ZRANB2: variants seen among roughly 807,000 people sequenced by gnomAD.
ZRANB2 encodes the protein zinc finger RANBP2-type containing 2.
In ZRANB2, 19 loss-of-function variants were observed where a neutral mutation model predicts 53.4. That is an observed-to-expected ratio of 0.36 (90% CI 0.25 to 0.52). The LOEUF (loss-of-function observed/expected upper bound fraction) is 0.52, where lower values mean the gene tolerates loss of function less well. ZRANB2 is among the 20% of genes least tolerant of loss of function. The pLI is 0.93. For synonymous variants in ZRANB2, 145 were observed against 134.8 expected (o/e 1.08, Z -0.52); for missense variants, 309 against 401.1 (o/e 0.77, Z 1.96).
intron 1 of ZRANB2, among the ~76,000 whole-genome samples, chr1:71,079,809 A>C (rs772631857): frequency 3.9e-5 from 6 of 152,200 alleles, no homozygotes; most frequent in Non-Finnish European, 7.4e-5. Flanking sequence ...GAACGTTTTC[A>C]ATAATGTCTT....
At chr1:71,078,749 G>C in intron 1 of ZRANB2, 41 bp from the exon 2 acceptor site, 1 of 1,547,890 alleles carries the variant, frequency 6.5e-7, no homozygotes, top group Non-Finnish European at 8.9e-7. Flanking sequence ...ATTTAAATTT[G>C]TAAAATTTTA....
At chr1:71,068,167 G>T (rs193104885) in intron 8 of ZRANB2, among the ~76,000 whole-genome samples, 10 of 152,060 alleles carry the variant, frequency 6.6e-5, no homozygotes, top group African/African-American at 1.9e-4. Context: ...GCCTGGCCTT[G>T]TTATCTATTT....
rs1239870139 is a variant in ZRANB2, at chr1:71,063,544, A to C, written c.*1530T>G. Reference sequence around the variant, plus strand: ...AGAATAAACCAATGGTAACATGTAGAATCTAGATCGTCGGGGCAATTTAGA... The same window carrying C: ...AGAATAAACCAATGGTAACATGTAGCATCTAGATCGTCGGGGCAATTTAGA... On this transcript the variant is annotated 3_prime_UTR_variant, in exon 10 of 10. Transcript: ENST00000370920. The C allele has an allele frequency of 1.3e-5, 2 of 152,494 alleles. No individual in the cohort carries two copies. Among genetic ancestry groups the C allele is most frequent in the Admixed American group, 1.3e-4 (2 of 15,254 alleles). 9.4% of individuals were successfully genotyped at this position (152,494 alleles called of 1,614,324 possible).
intron 7 of ZRANB2, chr1:71,069,709 C>A (rs1661553976): frequency 6.4e-6 from 1 of 156,692 alleles, no homozygotes; most frequent in Admixed American, 6.5e-5. Flanking sequence ...TACTTAATTT[C>A]TCTAAAATGT....
intron 6 of ZRANB2, 145 bp from the exon 7 acceptor site, chr1:71,071,141 A>G (rs1661586216): frequency 1.5e-6 from 1 of 665,950 alleles, no homozygotes; most frequent in African/African-American, 1.9e-5. Flanking sequence ...AAATTCACCT[A>G]CTAAACTCAT....
At chr1:71,076,064 A>T (rs192712580) in intron 4 of ZRANB2, among the ~76,000 whole-genome samples, 3 of 152,292 alleles carry the variant, frequency 2.0e-5, no homozygotes, top group Non-Finnish European at 4.4e-5. Context: ...CACCAAGCCT[A>T]AGTCTGACAG....
In ZRANB2 at chr1:71,070,955, A is replaced by T. The variant is rs1408766777; in HGVS notation, c.555T>A (p.Leu185=). ...TACTATCTTCTTCTTCACTGGCATC[A>T]AGATTATATTTTGAGAGATCAGCGT... ...EDDADLSKYN[L]DASEEEDSNK... Residue 185 remains leucine (L), a synonymous_variant, in exon 7 of 10, where the codon CTT becomes CTA. Transcript: ENST00000370920. 6 of 1,607,546 alleles carry T rather than the reference A, an allele frequency of 3.7e-6. No individual in the cohort carries two copies.
chr1:71,075,785 A>G (rs534869311), intron 4 of ZRANB2, among the ~76,000 whole-genome samples: 1 of 152,130 alleles, frequency 6.6e-6, no homozygotes, highest in South Asian at 2.1e-4. Context: ...GAAAGGCAAA[A>G]TCACTTCCTA....
chr1:71,075,893 A>G (rs1661699909), intron 4 of ZRANB2, among the ~76,000 whole-genome samples: 1 of 147,278 alleles, frequency 6.8e-6, no homozygotes, highest in Admixed American at 6.8e-5. Flanking sequence ...TGAGAATGTA[A>G]GTTTTAAAAA....
chr1:71,069,316 TG>T lies in ZRANB2; in HGVS notation c.729del (p.Ser244ValfsTer95). The T allele has an allele frequency of 6.2e-7, 1 of 1,613,006 alleles. No homozygotes were observed. The highest frequency in any genetic ancestry group is 8.5e-7 in the Non-Finnish European group (1 of 1,179,406). Reference protein sequence around the residue: ...SSSSSQSRSRSSSRERSRSRG... With the variant: ...SSSSSQSRSRXSSRERSRSRG... ...CGAGATCTCGAACGTTCTCTGGAAC[TG>T]GAACGAGATCTTGACTGCGAACTGG... On this transcript the variant is annotated frameshift_variant, in exon 8 of 10. Coordinates refer to ENST00000370920, the MANE Select transcript of ZRANB2 (RefSeq NM_203350.3). LOFTEE classifies it high-confidence loss of function.
chr1:71,066,701 C>A, intron 9 of ZRANB2, 75 bp downstream of exon 9: 5 of 1,488,222 alleles, frequency 3.4e-6, no homozygotes, highest in Non-Finnish European at 9.1e-7. Context: ...AAATCTAACC[C>A]TTGACTAGGA....
At chr1:71,072,727 A>G (rs1450359105) in intron 4 of ZRANB2, among the ~76,000 whole-genome samples, 179 bp from the exon 5 acceptor site, 2 of 152,132 alleles carry the variant, frequency 1.3e-5, no homozygotes, top group African/African-American at 4.8e-5. Context: ...CAGAGAACTT[A>G]GTTGTAACGT....
intron 8 of ZRANB2, chr1:71,067,627 A>T: frequency 2.3e-6 from 1 of 436,780 alleles, no homozygotes; most frequent in Non-Finnish European, 4.6e-6. Context: ...GGTTGAAGGA[A>T]TTTAGCTCAA....
intron 3 of ZRANB2, among the ~76,000 whole-genome samples, chr1:71,077,729 G>T (rs1319645819): frequency 1.3e-5 from 2 of 152,140 alleles, no homozygotes; most frequent in African/African-American, 4.8e-5. Context: ...GGTGGCATGG[G>T]CCTGTGGTCC....
chr1:71,072,596 T>A (rs1387175122), intron 4 of ZRANB2, 48 bp from the exon 5 acceptor site: 1 of 1,415,582 alleles, frequency 7.1e-7, no homozygotes, highest in African/African-American at 1.4e-5. Flanking sequence ...TTGATTTAAA[T>A]AATAAACACA....
intron 3 of ZRANB2, 127 bp from the exon 4 acceptor site, chr1:71,077,004 T>C: frequency 1.4e-6 from 1 of 718,408 alleles, no homozygotes; most frequent in South Asian, 2.0e-5. Flanking sequence ...TATTAAGTGG[T>C]AATGTAAACA....
intron 7 of ZRANB2, among the ~76,000 whole-genome samples, chr1:71,070,525 T>C (rs1042716362): frequency 2.6e-5 from 4 of 152,140 alleles, no homozygotes; most frequent in Admixed American, 2.0e-4. Context: ...ATGTAAGCTA[T>C]CTCTTTAGAT....
intron 1 of ZRANB2, among the ~76,000 whole-genome samples, chr1:71,079,656 T>A (rs1441821584): frequency 1.3e-5 from 2 of 152,190 alleles, no homozygotes; most frequent in Non-Finnish European, 2.9e-5. Context: ...ACAAACAACA[T>A]TCTATTCATA....
In ZRANB2 at chr1:71,075,706, T is replaced by G. The variant is rs547598129; in HGVS notation, c.301+1089A>C. Among the ~76,000 whole-genome samples the G allele has an allele frequency of 1.4e-3, 211 of 151,618 alleles. 1 individual carries two copies. Among genetic ancestry groups the G allele is most frequent in the Non-Finnish European group, 2.5e-3 (171 of 67,938 alleles). ...GGTGGGGGCGGTGAAGGAGGTACGG[T>G]GCATACCTTAGGTGAGGGAAGAAAA... is the stretch of plus-strand genomic sequence containing the variant. On this transcript the variant is annotated intron_variant, in intron 4 of 9. Transcript: ENST00000370920.
Sources: allele counts gnomAD v4.1 joint callset (sites outside exome capture counted in the v4.1 genomes callset), GRCh38; gene constraint gnomAD v4.1.1; transcripts MANE v1.5; gene names NCBI Gene and HGNC (gene_info 2026-07-23, HGNC 2026-07-21).